Variants in EXOC6B observed in about 807,000 individuals in gnomAD.
The protein encoded by EXOC6B is SEC15 homolog B.
In EXOC6B, 54 loss-of-function variants were observed where a neutral mutation model predicts 113.5. The observed-to-expected ratio is 0.48, with a 90% CI of 0.38 to 0.60. The LOEUF is 0.60. Among genes scored for constraint, EXOC6B ranks in the 20% least tolerant of loss-of-function variants. The probability of loss-of-function intolerance (pLI) is 0.00; values close to 1 mark genes in which losing one functional copy is unlikely to be tolerated. For synonymous variants in EXOC6B, 357 were observed against 339.0 expected (o/e 1.05, Z -0.58); for missense variants, 797 against 977.5 (o/e 0.82, Z 2.46).
Position 72,176,812 on chromosome 2 carries a change from G to C in EXOC6B, c.*2523C>G, listed in dbSNP as rs1471402779. Reference sequence around the variant, plus strand: ...AAGCCATACAGGCTTCTAGCCATCTGTGTGCTTGCCCTCTTATTGAGGCCC... The same window carrying C: ...AAGCCATACAGGCTTCTAGCCATCTCTGTGCTTGCCCTCTTATTGAGGCCC... On this transcript the variant is annotated 3_prime_UTR_variant, in exon 22 of 22. Transcript: ENST00000272427. 3 of 152,204 alleles carry C rather than the reference G, an allele frequency of 2.0e-5. No individual in the cohort carries two copies. The highest frequency in any genetic ancestry group is 7.2e-5 in the African/African-American group (3 of 41,446). 9.4% of individuals were successfully genotyped at this position (152,204 alleles called of 1,614,324 possible).
At chr2:72,558,211 A>G (rs370007583) in intron 8 of EXOC6B, among the ~76,000 whole-genome samples, 182 of 152,230 alleles carry the variant, frequency 1.2e-3, no homozygotes, top group Non-Finnish European at 2.2e-3. Flanking sequence ...TATTTTTAGT[A>G]TTCACTATTT....
chr2:72,491,233 A>G (rs1699725840), intron 16 of EXOC6B, among the ~76,000 whole-genome samples: 1 of 152,214 alleles, frequency 6.6e-6, no homozygotes, highest in Admixed American at 6.5e-5. Context: ...GTAATTTTCA[A>G]TTGAAAGAAA....
intron 1 of EXOC6B, among the ~76,000 whole-genome samples, chr2:72,794,233 C>T (rs1356989473): frequency 6.6e-6 from 1 of 152,208 alleles, no homozygotes; most frequent in Non-Finnish European, 1.5e-5. Flanking sequence ...ACCACTGTTT[C>T]TCTAACTATG....
chr2:72,265,255 T>C (rs1683992753), intron 20 of EXOC6B, among the ~76,000 whole-genome samples: 1 of 150,612 alleles, frequency 6.6e-6, no homozygotes, highest in Non-Finnish European at 1.5e-5. Flanking sequence ...ATTATTATTA[T>C]TATTATTATT....
At chr2:72,231,168 C>T (rs1026836339) in intron 20 of EXOC6B, among the ~76,000 whole-genome samples, 11 of 152,244 alleles carry the variant, frequency 7.2e-5, no homozygotes, top group African/African-American at 2.2e-4. Context: ...ATATACACTC[C>T]CTCTCTTTCT....
At chr2:72,279,370 T>G (rs1684989677) in intron 20 of EXOC6B, among the ~76,000 whole-genome samples, 2 of 152,144 alleles carry the variant, frequency 1.3e-5, no homozygotes, top group Non-Finnish European at 2.9e-5. Context: ...GTCCTTAAAT[T>G]AGAATTTAAA....
At chr2:72,476,939 G>C (rs1698783649) in intron 17 of EXOC6B, among the ~76,000 whole-genome samples, 1 of 152,032 alleles carries the variant, frequency 6.6e-6, no homozygotes, top group Non-Finnish European at 1.5e-5. Context: ...TATCCTGCTG[G>C]TTCCAAGATC....
chr2:72,326,766 T>C (rs2104849303), intron 20 of EXOC6B, among the ~76,000 whole-genome samples: 1 of 151,906 alleles, frequency 6.6e-6, no homozygotes, highest in East Asian at 2.0e-4. Flanking sequence ...GTAATTGTGG[T>C]TTTTGCCATT....
At chr2:72,623,558 T>G (rs1046600480) in intron 6 of EXOC6B, among the ~76,000 whole-genome samples, 2 of 152,134 alleles carry the variant, frequency 1.3e-5, no homozygotes. Context: ...TAGAGAAAAC[T>G]GCCAAAGTAA....
chr2:72,787,016 T>C (rs1356688433), intron 1 of EXOC6B, among the ~76,000 whole-genome samples: 2 of 151,974 alleles, frequency 1.3e-5, no homozygotes, highest in Non-Finnish European at 2.9e-5. Flanking sequence ...CAAATACAGA[T>C]ACAACAGAAG....
At chr2:72,450,400 A>G (rs1696840112) in intron 18 of EXOC6B, among the ~76,000 whole-genome samples, 1 of 152,244 alleles carries the variant, frequency 6.6e-6, no homozygotes, top group South Asian at 2.1e-4. Flanking sequence ...CAGAGGTCAC[A>G]TGACATAGAG....
intron 8 of EXOC6B, among the ~76,000 whole-genome samples, chr2:72,525,544 G>GA (rs150480483): frequency 0.014 from 2,197 of 151,974 alleles, 51 homozygotes; most frequent in African/African-American, 0.051. Flanking sequence ...TAATTCATTA[G>GA]AAAAAAAATT....
chr2:72,392,532 T>C lies in EXOC6B; in HGVS notation c.1981-12662A>G, dbSNP rs934911966. Among the ~76,000 whole-genome samples the C allele has an allele frequency of 1.1e-3, 164 of 152,350 alleles. 3 individuals carry two copies. Among genetic ancestry groups the C allele is most frequent in the Non-Finnish European group, 3.4e-4 (23 of 68,026 alleles). On this transcript the variant is annotated intron_variant, in intron 18 of 21. Transcript: ENST00000272427. ...CATGTTAATCATAGCTATTTTGAAG[T>C]CTTTGCTAACATCAATATCCGGATC...
rs1026251411 is a variant in EXOC6B at position 72,825,285 on chromosome 2, G to C, written c.113+513C>G. The stretch of plus-strand genomic sequence containing the variant: ...GCAGCGGCTCCCAGGAGAGGGGCGC[G>C]GGTTGGGGAAACTTCCATCCAGGCC... On this transcript the variant is annotated intron_variant, in intron 1 of 21. Coordinates refer to ENST00000272427, the MANE Select transcript of EXOC6B (RefSeq NM_015189.3). The surrounding 1 kb of genome is among the most constrained non-coding windows in gnomAD (Gnocchi z 4.4). Among the ~76,000 whole-genome samples, 10 of 152,130 alleles carry C rather than the reference G, an allele frequency of 6.6e-5. No individual in the cohort carries two copies. The highest frequency in any genetic ancestry group is 1.3e-4 in the Non-Finnish European group (9 of 68,022).
At chr2:72,610,680 G>A (rs1671021602) in intron 6 of EXOC6B, among the ~76,000 whole-genome samples, 1 of 152,142 alleles carries the variant, frequency 6.6e-6, no homozygotes, top group African/African-American at 2.4e-5. Context: ...GTAAGGTGGG[G>A]AGAGAAGAGA....
At chr2:72,727,145 A>AAT (rs530442280) in intron 5 of EXOC6B, among the ~76,000 whole-genome samples, 5 of 152,226 alleles carry the variant, frequency 3.3e-5, no homozygotes, top group Non-Finnish European at 7.4e-5. Flanking sequence ...GGCATTACTA[A>AAT]ATATAAAACA....
rs188707447 is a variant in EXOC6B, at chr2:72,179,342, T to C, written c.2429A>G (p.His810Arg). Residue 810 changes from histidine (H) to arginine (R), a missense_variant, in exon 22 of 22, where the codon CAC becomes CGC. By Grantham distance (29) the His-to-Arg change is conservative. Coordinates refer to ENST00000272427, the MANE Select transcript of EXOC6B (RefSeq NM_015189.3). ...TGGGTCCGGGGTCACCCTTCATGAG[T>C]GGTGGCTGCTGATGAGTCCTCGGAG... ...KQLRGLISSH[H>R]S 2.4e-3 allele frequency: 3,863 copies of C among 1,607,554 alleles called. 6 individuals carry two copies. The highest frequency in any genetic ancestry group is 2.8e-3 in the Non-Finnish European group (3,285 of 1,176,700).
At chr2:72,752,835 CCT>C (rs965628209) in intron 1 of EXOC6B, among the ~76,000 whole-genome samples, 17 of 151,994 alleles carry the variant, frequency 1.1e-4, no homozygotes, top group Non-Finnish European at 1.6e-4. Context: ...TGAACTATCC[CCT>C]CTTTTTAAAA....
At chr2:72,619,127 C>A (rs1027232787) in intron 6 of EXOC6B, among the ~76,000 whole-genome samples, 3 of 151,986 alleles carry the variant, frequency 2.0e-5, no homozygotes, top group Admixed American at 6.6e-5. Context: ...TACAGCCATT[C>A]TCCTACCACA....
Sources: allele counts gnomAD v4.1 joint callset (sites outside exome capture counted in the v4.1 genomes callset), GRCh38; gene constraint gnomAD v4.1.1; non-coding constraint Gnocchi (gnomAD v3.1); transcripts MANE v1.5; gene names NCBI Gene and HGNC (gene_info 2026-07-23, HGNC 2026-07-21).